ANO2: variants seen among roughly 807,000 people sequenced by gnomAD.
The protein encoded by ANO2 is anoctamin-2.
In ANO2, 101 loss-of-function variants were observed where a neutral mutation model predicts 124.2. The observed-to-expected ratio is 0.81, with a 90% CI of 0.69 to 0.96. ANO2 has a LOEUF of 0.96. Ranked by LOEUF, ANO2 falls within the 40% of genes least tolerant of loss-of-function variation. The pLI is 0.00. For synonymous variants in ANO2, 486 were observed against 482.5 expected, an observed-to-expected ratio of 1.01 and a Z score of -0.09; for missense variants, 1,293 against 1,274.5, an observed-to-expected ratio of 1.01 and a Z score of -0.22.
intron 3 of ANO2, among the ~76,000 whole-genome samples, chr12:5,898,544 C>T (rs1939952420): frequency 1.3e-5 from 2 of 152,242 alleles, no homozygotes; most frequent in Admixed American, 1.3e-4. Flanking sequence ...CGATGAAATA[C>T]TATCCAGTAA....
At chr12:5,633,435 T>G (rs1332993013) in intron 16 of ANO2, among the ~76,000 whole-genome samples, 4 of 152,202 alleles carry the variant, frequency 2.6e-5, no homozygotes. Flanking sequence ...TTGATCTAAT[T>G]TCTCAGCTGG....
chr12:5,659,560 A>C (rs1015071548), intron 14 of ANO2, among the ~76,000 whole-genome samples: 1 of 152,250 alleles, frequency 6.6e-6, no homozygotes, highest in African/African-American at 2.4e-5. Context: ...ACAGCACCTA[A>C]GTCTGCAGGC....
intron 13 of ANO2, among the ~76,000 whole-genome samples, chr12:5,735,441 AC>A (rs1002283957): frequency 2.1e-4 from 32 of 152,066 alleles, no homozygotes; most frequent in African/African-American, 7.7e-4. Flanking sequence ...CACCTGCTAT[AC>A]TCTGAGCTCT....
chr12:5,684,230 T>A (rs1948614725), intron 14 of ANO2, among the ~76,000 whole-genome samples: 1 of 152,212 alleles, frequency 6.6e-6, no homozygotes. Flanking sequence ...CCAGCTGCTC[T>A]CTGGTTTTTC....
chr12:5,631,697 G>T (rs1945726695), intron 16 of ANO2, among the ~76,000 whole-genome samples: 1 of 152,192 alleles, frequency 6.6e-6, no homozygotes, highest in South Asian at 2.1e-4. Context: ...TTTGAAGGAG[G>T]GTCACTGAGG....
intron 14 of ANO2, among the ~76,000 whole-genome samples, chr12:5,717,779 A>C (rs1377240993): frequency 6.6e-6 from 1 of 152,218 alleles, no homozygotes; most frequent in Non-Finnish European, 1.5e-5. Context: ...AAAAGTGGAA[A>C]TACAGATCCT....
Position 5,846,112 on chromosome 12 carries a change from C to T in ANO2, c.633+7931G>A, listed in dbSNP as rs75661967. Among the ~76,000 whole-genome samples the T allele has an allele frequency of 1.2e-3, 178 of 152,286 alleles. 5 individuals are homozygous for T. In the East Asian group the frequency reaches 0.032, roughly 27 times the overall value. On this transcript the variant is annotated intron_variant, in intron 4 of 24. Transcript: ENST00000682330. ...AGATGCTAATATCCTTCTTTGCAGA[C>T]ACCTCTTACTGAGGCAGAAGCTGTT...
intron 14 of ANO2, among the ~76,000 whole-genome samples, chr12:5,657,948 T>C (rs190859639): frequency 5.9e-4 from 90 of 152,188 alleles, no homozygotes; most frequent in Non-Finnish European, 1.1e-3. Context: ...CCTCCACATA[T>C]ATGTGGACTG....
Position 5,720,553 on chromosome 12 carries a change from T to C in ANO2, c.1545+11967A>G, listed in dbSNP as rs1198053788. Among the ~76,000 whole-genome samples the C allele has an allele frequency of 2.6e-5, 4 of 152,220 alleles. No individual in the cohort carries two copies. The East Asian group carries it at 7.7e-4, about 29-fold the overall frequency. On this transcript the variant is annotated intron_variant, in intron 14 of 24. Transcript: ENST00000682330. ...GTCCAAACTACAAGTCAATTGTGCCTAACATCTCACATCCCAATGGTATGT... is the reference window on the plus strand; with the variant it reads ...GTCCAAACTACAAGTCAATTGTGCCCAACATCTCACATCCCAATGGTATGT...
intron 20 of ANO2, among the ~76,000 whole-genome samples, chr12:5,579,658 T>C (rs1292596161): frequency 6.6e-6 from 1 of 152,160 alleles, no homozygotes; most frequent in Non-Finnish European, 1.5e-5. Context: ...AAATTCCTGT[T>C]GGCTCCACTC....
At chr12:5,699,352 A>C (rs1949314054) in intron 14 of ANO2, among the ~76,000 whole-genome samples, 1 of 152,220 alleles carries the variant, frequency 6.6e-6, no homozygotes, top group African/African-American at 2.4e-5. Flanking sequence ...AAGCTTCATA[A>C]GGGAAGGAGA....
intron 14 of ANO2, among the ~76,000 whole-genome samples, chr12:5,727,151 T>C (rs1009738458): frequency 6.6e-6 from 1 of 152,124 alleles, no homozygotes; most frequent in East Asian, 1.9e-4. Flanking sequence ...CGGGAGGTGT[T>C]TGGATCATGG....
At chr12:5,834,414 G>A (rs1211920432) in intron 4 of ANO2, among the ~76,000 whole-genome samples, 1 of 152,180 alleles carries the variant, frequency 6.6e-6, no homozygotes, top group East Asian at 1.9e-4. Flanking sequence ...AAGATAGGAT[G>A]AGAAAATGCC....
chr12:5,810,786 A>C (rs1364118546), intron 7 of ANO2, among the ~76,000 whole-genome samples: 5 of 152,158 alleles, frequency 3.3e-5, no homozygotes, highest in African/African-American at 1.2e-4. Flanking sequence ...AAAACCTCCA[A>C]AGGAAAAGAC....
At chr12:5,624,580 C>A (rs1343747300) in intron 16 of ANO2, among the ~76,000 whole-genome samples, 1 of 152,166 alleles carries the variant, frequency 6.6e-6, no homozygotes, top group Non-Finnish European at 1.5e-5. Flanking sequence ...CAGAGGAAAA[C>A]AACCCACAGG....
intron 2 of ANO2, 133 bp from the exon 3 acceptor site, chr12:5,921,499 GC>G: frequency 5.8e-6 from 5 of 855,856 alleles, no homozygotes; most frequent in East Asian, 2.7e-5. Flanking sequence ...GGCCCCCAGT[GC>G]CCCCAGTAAA....
At chr12:5,620,230 A>G (rs1945039670) in intron 16 of ANO2, among the ~76,000 whole-genome samples, 1 of 152,242 alleles carries the variant, frequency 6.6e-6, no homozygotes, top group African/African-American at 2.4e-5. Context: ...TAAGCTGTAG[A>G]TACAGTAGTA....
chr12:5,865,412 T>G (rs1955391730), intron 3 of ANO2, among the ~76,000 whole-genome samples: 2 of 151,736 alleles, frequency 1.3e-5, no homozygotes, highest in Non-Finnish European at 2.9e-5. Context: ...CACACCATCA[T>G]GAATTCATAC....
At chr12:5,693,080 A>G (rs1256149065) in intron 14 of ANO2, among the ~76,000 whole-genome samples, 1 of 152,080 alleles carries the variant, frequency 6.6e-6, no homozygotes, top group East Asian at 1.9e-4. Context: ...TCAAACAGAC[A>G]TAGGGTTCAT....
Sources: gnomAD v4.1 joint callset for allele counts (sites outside exome capture counted in the v4.1 genomes callset) on GRCh38, gnomAD v4.1.1 for gene constraint, MANE v1.5 for transcripts, NCBI Gene and HGNC (gene_info 2026-07-23, HGNC 2026-07-21) for gene names.